Variants in POR observed in about 807,000 individuals in gnomAD.
The protein encoded by POR is NADPH--cytochrome P450 reductase.
POR carries 56 observed loss-of-function variants against 84.0 expected under a neutral mutation model. The ratio of observed to expected loss-of-function variants is 0.67; its 90% CI spans 0.54 to 0.83. The LOEUF (loss-of-function observed/expected upper bound fraction) is 0.83, where lower values mean the gene tolerates loss of function less well. Among genes scored for constraint, POR ranks in the 40% least tolerant of loss-of-function variants. The pLI is 0.00. For synonymous variants in POR, 414 were observed against 400.5 expected, an observed-to-expected ratio of 1.03 and a Z score of -0.40; for missense variants, 938 against 944.3, an observed-to-expected ratio of 0.99 and a Z score of 0.09.
Position 75,985,650 on chromosome 7 carries a change from G to A in POR, c.1470G>A (p.Lys490=). ...AGACCAAGGCTGGCCGCATCAACAA[G>A]GGCGTGGCCACCAACTGGCTGCGGG... The change falls in exon 13 of 16, where the codon AAG becomes AAA. Residue 490 remains lysine (K), a synonymous_variant. Coordinates refer to ENST00000461988, the MANE Select transcript of POR (RefSeq NM_000941.3). The A allele has an allele frequency of 6.3e-7, 1 of 1,595,154 alleles. No homozygotes were observed. The highest frequency in any genetic ancestry group is 1.1e-5 in the South Asian group (1 of 87,822).
At position 75,981,181 on chromosome 7, in the gene POR, C is replaced by G; in HGVS notation, c.641+9C>G. On this transcript the variant is annotated intron_variant, in intron 6 of 15. Transcript: ENST00000461988. ...GGCGACGACGATGGGAAGTGAGTGCCCACCCTGCCACCATGATCAGCGCGG... is the reference window on the plus strand; with the variant it reads ...GGCGACGACGATGGGAAGTGAGTGCGCACCCTGCCACCATGATCAGCGCGG... 6.5e-7 allele frequency: 1 copy of G among 1,531,520 alleles called. No individual in the cohort carries two copies. The highest frequency in any genetic ancestry group is 1.2e-5 in the South Asian group (1 of 82,412). The allele number at this position is 1,531,520 out of a possible 1,614,324, so 94.9% of individuals were successfully genotyped here. A position where few individuals can be genotyped will look rare whatever the true frequency, so the allele number is the denominator to read the frequency against.
chr7:75,963,136 G>A (rs1554554746), intron 2 of POR, among the ~76,000 whole-genome samples: 2 of 152,210 alleles, frequency 1.3e-5, no homozygotes. Context: ...CCAACAGATG[G>A]GAAGTGGATC....
At chr7:75,955,062 G>C (rs949475988) in intron 2 of POR, among the ~76,000 whole-genome samples, 1 of 151,920 alleles carries the variant, frequency 6.6e-6, no homozygotes, top group Non-Finnish European at 1.5e-5. Flanking sequence ...GGCTGGTCTC[G>C]AACACCTGGA....
intron 2 of POR, among the ~76,000 whole-genome samples, chr7:75,959,691 A>G (rs1237604035): frequency 6.6e-6 from 1 of 152,172 alleles, no homozygotes; most frequent in Non-Finnish European, 1.5e-5. Flanking sequence ...CCTGACCCCA[A>G]GTGATCCATC....
rs927784277 is a variant in POR, at chr7:75,980,810, C to T, written c.517-238C>T. ...CGGTGGGGAGGGTGGGCTGGCCCCG[C>T]TTCCCTGTGGGTTGAGGCTGGCAGT... On this transcript the variant is annotated intron_variant, in intron 5 of 15. Transcript: ENST00000461988. 80 of 1,283,240 alleles carry T rather than the reference C, an allele frequency of 6.2e-5. No individual in the cohort carries two copies. The East Asian group carries it at 2.0e-3, about 33-fold the overall frequency. 79.5% of individuals were successfully genotyped at this position (1,283,240 alleles called of 1,614,324 possible).
At chr7:75,969,799 G>A (rs41296527) in intron 2 of POR, among the ~76,000 whole-genome samples, 5 of 152,318 alleles carry the variant, frequency 3.3e-5, no homozygotes, top group African/African-American at 4.8e-5. Context: ...GAGACACGGC[G>A]TCCTGTGCCG....
intron 1 of POR, among the ~76,000 whole-genome samples, chr7:75,920,633 A>G (rs1395812269): frequency 6.6e-6 from 1 of 152,008 alleles, no homozygotes; most frequent in Non-Finnish European, 1.5e-5. Context: ...TGCGGTGGTG[A>G]TGCCGGTGTT....
Position 75,985,329 on chromosome 7 carries a change from G to A in POR, c.1398+122G>A, listed in dbSNP as rs1789366216. ...GCCCTGAGCTCCAGTTCCAGCCCCA[G>A]CGCAGCTCCAAATGCCTCCCCAGGC... On this transcript the variant is annotated intron_variant, in intron 12 of 15. Coordinates refer to ENST00000461988, the MANE Select transcript of POR (RefSeq NM_000941.3). 1.1e-5 allele frequency: 14 copies of A among 1,326,774 alleles called. No homozygotes were observed. In the South Asian group the frequency reaches 1.8e-4, roughly 18 times the overall value. The allele number at this position is 1,326,774 out of a possible 1,614,324, so 82.2% of individuals were successfully genotyped here. A position where few individuals can be genotyped will look rare whatever the true frequency, so the allele number is the denominator to read the frequency against.
intron 8 of POR, chr7:75,983,248 G>A: frequency 5.3e-6 from 2 of 374,012 alleles, no homozygotes; most frequent in African/African-American, 2.1e-5. Context: ...GGCTGAGGCA[G>A]GAGAATTGCT....
intron 3 of POR, among the ~76,000 whole-genome samples, chr7:75,973,692 T>TTTTTG: frequency 7.1e-6 from 1 of 141,408 alleles, no homozygotes; most frequent in Non-Finnish European, 1.5e-5. Context: ...TTTTTTTTTT[T>TTTTTG]TTTTTTTGAG....
At chr7:75,959,789 T>A (rs781800792) in intron 2 of POR, among the ~76,000 whole-genome samples, 18 of 152,094 alleles carry the variant, frequency 1.2e-4, no homozygotes, top group Non-Finnish European at 1.8e-4. Flanking sequence ...CCCAGTGGGA[T>A]TTTTGTTGGA....
intron 1 of POR, among the ~76,000 whole-genome samples, chr7:75,939,764 T>C (rs948883622): frequency 2.6e-5 from 4 of 151,670 alleles, no homozygotes; most frequent in African/African-American, 9.7e-5. Flanking sequence ...TGCGCCACCA[T>C]ACTTGGCTAA....
chr7:75,958,610 C>T (rs1320605338), intron 2 of POR, among the ~76,000 whole-genome samples: 1 of 152,090 alleles, frequency 6.6e-6, no homozygotes, highest in South Asian at 2.1e-4. Context: ...CTCCACAAGC[C>T]ATGTTTTCTC....
At chr7:75,972,548 C>T (rs781935449) in intron 3 of POR, 87 bp downstream of exon 3, 27 of 1,288,642 alleles carry the variant, frequency 2.1e-5, no homozygotes, top group Admixed American at 7.9e-5. Context: ...CTGGCGTCAC[C>T]GCATAGAGGA....
At chr7:75,949,680 C>T (rs188637620) in intron 1 of POR, among the ~76,000 whole-genome samples, 128 of 151,628 alleles carry the variant, frequency 8.4e-4, no homozygotes, top group Middle Eastern at 3.4e-3. Context: ...CCACTGCATC[C>T]GGCTGATTTT....
intron 1 of POR, among the ~76,000 whole-genome samples, chr7:75,951,246 T>C (rs1554552780): frequency 6.6e-6 from 1 of 151,282 alleles, no homozygotes; most frequent in Non-Finnish European, 1.5e-5. Flanking sequence ...AATACAAAAT[T>C]AGCCAGGTGT....
At chr7:75,933,184 A>G (rs528971701) in intron 1 of POR, among the ~76,000 whole-genome samples, 3 of 152,164 alleles carry the variant, frequency 2.0e-5, no homozygotes, top group East Asian at 3.9e-4. Context: ...TTAATTGACA[A>G]AGTTGTATAT....
In POR at chr7:75,982,648, C is replaced by CATAG. The variant is rs1789126179; in HGVS notation, c.830+332_830+335dup. Among the ~76,000 whole-genome samples the CATAG allele has an allele frequency of 3.3e-5, 5 of 152,242 alleles. No individual in the cohort carries two copies. In the South Asian group the frequency reaches 1.0e-3, roughly 32 times the overall value. The stretch of plus-strand genomic sequence containing the variant: ...GGCTCATTTTCTTAGAATCTATCTC[C>CATAG]ATAGATAGACTTGGGGGAGAAACCT... On this transcript the variant is annotated intron_variant, in intron 8 of 15. Transcript: ENST00000461988.
intron 12 of POR, 103 bp downstream of exon 12, chr7:75,985,310 A>G: frequency 7.2e-7 from 1 of 1,393,314 alleles, no homozygotes; most frequent in South Asian, 1.5e-5. Context: ...CTGAGCCCTG[A>G]GCTCCAGTTC....
Sources: allele counts gnomAD v4.1 joint callset (sites outside exome capture counted in the v4.1 genomes callset), GRCh38; gene constraint gnomAD v4.1.1; transcripts MANE v1.5; gene names NCBI Gene and HGNC (gene_info 2026-07-23, HGNC 2026-07-21).